Variants in ABCA3 observed in about 807,000 individuals in gnomAD.
ABCA3 encodes the protein ATP binding cassette subfamily A member 3.
A neutral mutation model predicts 172.8 loss-of-function variants in ABCA3; 88 were observed. The ratio of observed to expected loss-of-function variants is 0.51; its 90% confidence interval spans 0.43 to 0.61. ABCA3 has a LOEUF of 0.61. Ranked by LOEUF, ABCA3 falls within the 20% of genes least tolerant of loss-of-function variation. ABCA3 has a pLI of 0.00. For missense variants in ABCA3, 2,164 were observed against 2,301.0 expected (o/e 0.94, Z 1.22); for synonymous variants, 1,066 against 983.8 (o/e 1.08, Z -1.56).
At position 2,278,627 on chromosome 16, in the gene ABCA3, G is replaced by T. The variant is rs903134668; in HGVS notation, c.4548-169C>A. 6.6e-6 allele frequency among the ~76,000 whole-genome samples: 1 copy of T among 152,220 alleles called. No homozygotes were observed. Among genetic ancestry groups the T allele is most frequent in the Non-Finnish European group, 1.5e-5 (1 of 68,038 alleles). ...GCACCTGGAAAGCCCACCGCATAGGGCTGGAGGCCCCAGAGAAGGCTGTTC... is the reference window on the plus strand; with the variant it reads ...GCACCTGGAAAGCCCACCGCATAGGTCTGGAGGCCCCAGAGAAGGCTGTTC... On this transcript the variant is annotated intron_variant, in intron 29 of 32. Coordinates refer to ENST00000301732, the MANE Select transcript of ABCA3 (RefSeq NM_001089.3). The surrounding 1 kb of genome is among the most constrained non-coding windows in gnomAD (Gnocchi z 4.4).
At chr16:2,319,144 T>C (rs1453552653) in intron 8 of ABCA3, among the ~76,000 whole-genome samples, 2 of 151,958 alleles carry the variant, frequency 1.3e-5, no homozygotes, top group Non-Finnish European at 2.9e-5. Flanking sequence ...GAGGCTGAGA[T>C]GGGAGAATTT....
At chr16:2,305,626 C>T (rs1034197320) in intron 11 of ABCA3, among the ~76,000 whole-genome samples, 3 of 152,140 alleles carry the variant, frequency 2.0e-5, no homozygotes, top group South Asian at 2.1e-4. Flanking sequence ...GACAGGGTTT[C>T]GCCATGTTGG....
At chr16:2,290,067 C>G (rs1256958722) in intron 19 of ABCA3, among the ~76,000 whole-genome samples, 3 of 152,056 alleles carry the variant, frequency 2.0e-5, no homozygotes, top group African/African-American at 7.2e-5. Flanking sequence ...GGAGGCACCC[C>G]CCGGCTGGCT....
chr16:2,325,834 AG>A (rs1340245566), intron 5 of ABCA3, among the ~76,000 whole-genome samples, 175 bp downstream of exon 5: 1 of 152,192 alleles, frequency 6.6e-6, no homozygotes, highest in Non-Finnish European at 1.5e-5. Flanking sequence ...CAGAGGTTTA[AG>A]GAACAGCAGT....
At position 2,278,262 on chromosome 16, in the gene ABCA3, C is replaced by T. The variant is rs774561097; in HGVS notation, c.4718+26G>A. 6.2e-7 allele frequency: 1 copy of T among 1,604,848 alleles called. No individual in the cohort carries two copies. The highest frequency in any genetic ancestry group is 1.1e-5 in the South Asian group (1 of 91,072). ...ATGGCCCACCCGGTGCTGAAACTTC[C>T]AGTAACCCACAGACCCAGGCTCTAC... is the stretch of plus-strand genomic sequence containing the variant. On this transcript the variant is annotated intron_variant, in intron 30 of 32. Transcript: ENST00000301732. This position sits in a 1 kb window ranked among gnomAD's most constrained non-coding sequence, Gnocchi z 4.4.
At chr16:2,334,675 C>T (rs2093748910) in intron 1 of ABCA3, among the ~76,000 whole-genome samples, 1 of 151,878 alleles carries the variant, frequency 6.6e-6, no homozygotes, top group African/African-American at 2.4e-5. Context: ...CGCCACCACA[C>T]CCAGCTAATT....
rs950719049 is a variant in ABCA3 at position 2,283,722 on chromosome 16, G to A, written c.3863-364C>T. The A allele has an allele frequency of 9.7e-6, 3 of 310,290 alleles. No homozygotes were observed. The highest frequency in any genetic ancestry group is 6.4e-5 in the African/African-American group (3 of 46,896). 19.2% of individuals were successfully genotyped at this position (310,290 alleles called of 1,614,324 possible). The stretch of plus-strand genomic sequence containing the variant: ...AGGAGGCCCCACAGGACAGGTCCAA[G>A]TTCTGTCCCCCTGGACCTGGGGTTG... On this transcript the variant is annotated intron_variant, in intron 25 of 32. Transcript: ENST00000301732. The surrounding 1 kb of genome is among the most constrained non-coding windows in gnomAD (Gnocchi z 5.4).
intron 7 of ABCA3, 23 bp downstream of exon 7, chr16:2,323,500 C>G (rs369239914): frequency 1.2e-6 from 2 of 1,613,892 alleles, no homozygotes; most frequent in South Asian, 2.2e-5. Flanking sequence ...GCTGGTAACA[C>G]GAACCCTAAC....
At chr16:2,289,751 G>T in intron 19 of ABCA3, 131 bp from the exon 20 acceptor site, 1 of 927,834 alleles carries the variant, frequency 1.1e-6, no homozygotes, top group Non-Finnish European at 1.6e-6. Context: ...CTGCTTATGT[G>T]TTTCCTCACT....
rs781087906 is a variant in ABCA3 at position 2,277,563 on chromosome 16, T to C, written c.4983+34A>G. 6 of 1,609,754 alleles carry C rather than the reference T, an allele frequency of 3.7e-6. No individual in the cohort carries two copies. In the South Asian group the frequency reaches 5.5e-5, roughly 15 times the overall value. On this transcript the variant is annotated intron_variant, in intron 32 of 32. Coordinates refer to ENST00000301732, the MANE Select transcript of ABCA3 (RefSeq NM_001089.3). This position sits in a 1 kb window ranked among gnomAD's most constrained non-coding sequence, Gnocchi z 5.3. ...CCTGGAGGGACCTCCCCCTGCCCCA[T>C]GAGTGCCCAGTGGGGCCCCAGGGAC...
chr16:2,325,775 A>G (rs904119514), intron 5 of ABCA3, among the ~76,000 whole-genome samples: 1 of 152,182 alleles, frequency 6.6e-6, no homozygotes, highest in Non-Finnish European at 1.5e-5. Flanking sequence ...GGGGACTGTG[A>G]TGGTGCTATC....
At position 2,325,998 on chromosome 16, in the gene ABCA3, G is replaced by A. The variant is rs756877942; in HGVS notation, c.319+12C>T. The stretch of plus-strand genomic sequence containing the variant: ...CACTAGGCCTGGCACCGAGAGCCCC[G>A]GCATGTCTCACCTCGCATGTTGATC... On this transcript the variant is annotated intron_variant, in intron 5 of 32. Transcript: ENST00000301732. 1.6e-5 allele frequency: 26 copies of A among 1,613,188 alleles called. No individual in the cohort carries two copies. Among genetic ancestry groups the A allele is most frequent in the African/African-American group, 2.7e-5 (2 of 74,896 alleles).
At position 2,281,531 on chromosome 16, in the gene ABCA3, C is replaced by A; in HGVS notation, c.4036-22G>T. Reference sequence around the variant, plus strand: ...CTGTCTGATTGACCAGGACAAAGACCGCATGCGTGAACCCAGCCGCAGGGC... The same window carrying A: ...CTGTCTGATTGACCAGGACAAAGACAGCATGCGTGAACCCAGCCGCAGGGC... On this transcript the variant is annotated intron_variant, in intron 26 of 32. Coordinates refer to ENST00000301732, the MANE Select transcript of ABCA3 (RefSeq NM_001089.3). This position sits in a 1 kb window ranked among gnomAD's most constrained non-coding sequence, Gnocchi z 4.7. 1.9e-6 allele frequency: 3 copies of A among 1,554,034 alleles called. No homozygotes were observed. Among genetic ancestry groups the A allele is most frequent in the Non-Finnish European group, 2.6e-6 (3 of 1,142,962 alleles).
rs11860606 is a variant in ABCA3, at chr16:2,276,897, G to C, written c.4984-92C>G. 3,849 of 1,536,540 alleles carry C rather than the reference G, an allele frequency of 2.5e-3. 89 individuals are homozygous for C. In the African/African-American group the frequency reaches 0.044, roughly 17 times the overall value. On this transcript the variant is annotated intron_variant, in intron 32 of 32. Transcript: ENST00000301732. Reference sequence around the variant, plus strand: ...GTCCTCTGGCAATAGGGGCTGATGAGGCCCCCACAATCCTACCCCTGCCCA... The same window carrying C: ...GTCCTCTGGCAATAGGGGCTGATGACGCCCCCACAATCCTACCCCTGCCCA...
At position 2,281,429 on chromosome 16, in the gene ABCA3, A is replaced by C. The variant is rs149532; in HGVS notation, c.4116T>G (p.Ser1372Arg). The change falls in exon 27 of 33, where the codon AGT (serine) becomes AGG (arginine). Residue 1372 changes from serine (S) to arginine (R), a missense_variant. Coordinates refer to ENST00000301732, the MANE Select transcript of ABCA3 (RefSeq NM_001089.3). The surrounding 1 kb of genome is among the most constrained non-coding windows in gnomAD (Gnocchi z 4.7). Reference protein sequence around the residue: ...ADERTRILAPSPDSLLHTPLI... With the variant: ...ADERTRILAPRPDSLLHTPLI... The stretch of plus-strand genomic sequence containing the variant: ...GAGGTGTGTGGAGCAGGGAGTCCGG[A>C]CTGGGGGCCAGGATGCGGGTCCTCT... The C allele has an allele frequency of 6.2e-7, 1 of 1,613,686 alleles. No individual in the cohort carries two copies. Among genetic ancestry groups the C allele is most frequent in the Non-Finnish European group, 8.5e-7 (1 of 1,180,008 alleles).
intron 10 of ABCA3, among the ~76,000 whole-genome samples, chr16:2,310,519 C>T (rs1262765246): frequency 6.9e-6 from 1 of 144,878 alleles, no homozygotes; most frequent in South Asian, 2.2e-4. Flanking sequence ...TTTTTTCTTT[C>T]TTTTTTTTTT....
In ABCA3 at chr16:2,331,780, C is replaced by T. The variant is rs571154392; in HGVS notation, c.-538-1926G>A. The stretch of plus-strand genomic sequence containing the variant: ...CCCAGGACCGGCCCCGGCTGAGCCC[C>T]CATCAGCTACTCTAAGTTAAACACT... On this transcript the variant is annotated intron_variant, in intron 1 of 32. Transcript: ENST00000301732. 2.6e-5 allele frequency among the ~76,000 whole-genome samples: 4 copies of T among 152,316 alleles called. No individual in the cohort carries two copies. The East Asian group carries it at 7.7e-4, about 29-fold the overall frequency.
chr16:2,321,659 A>G (rs1402158167), intron 7 of ABCA3, among the ~76,000 whole-genome samples: 2 of 152,066 alleles, frequency 1.3e-5, no homozygotes, highest in Non-Finnish European at 2.9e-5. Flanking sequence ...GTTCCAAGAC[A>G]AGACCATGCT....
chr16:2,285,921 G>A lies in ABCA3; in HGVS notation c.3279-275C>T, dbSNP rs1179021247. On this transcript the variant is annotated intron_variant, in intron 22 of 32. Coordinates refer to ENST00000301732, the MANE Select transcript of ABCA3 (RefSeq NM_001089.3). The surrounding 1 kb of genome is among the most constrained non-coding windows in gnomAD (Gnocchi z 4.7). ...AGCCCTCAGCCCCACGGCTGCCGGC[G>A]ACCTTGCCCAGGTGTGGAGGTCCCG... is the stretch of plus-strand genomic sequence containing the variant. Among the ~76,000 whole-genome samples the A allele has an allele frequency of 6.6e-6, 1 of 152,208 alleles. No individual in the cohort carries two copies. The highest frequency in any genetic ancestry group is 2.4e-5 in the African/African-American group (1 of 41,462).
Sources: allele counts gnomAD v4.1 joint callset (sites outside exome capture counted in the v4.1 genomes callset), GRCh38; gene constraint gnomAD v4.1.1; non-coding constraint Gnocchi (gnomAD v3.1); transcripts MANE v1.5; gene names NCBI Gene and HGNC (gene_info 2026-07-23, HGNC 2026-07-21).